NDST4: variants seen among roughly 807,000 people sequenced by gnomAD.
The protein encoded by NDST4 is N-deacetylase and N-sulfotransferase 4.
NDST4 carries 63 observed loss-of-function variants against 100.8 expected under a neutral mutation model. That is an observed-to-expected ratio of 0.62 (90% CI 0.51 to 0.77). NDST4 has a LOEUF of 0.77. Among genes scored for constraint, NDST4 ranks in the 30% least tolerant of loss-of-function variants. NDST4 has a pLI of 0.00. For missense variants in NDST4, 943 were observed against 1,018.4 expected, an observed-to-expected ratio of 0.93 and a Z score of 1.01; for synonymous variants, 377 against 361.8, an observed-to-expected ratio of 1.04 and a Z score of -0.48.
chr4:115,098,898 T>C (rs1329669204), intron 1 of NDST4, among the ~76,000 whole-genome samples: 4 of 152,114 alleles, frequency 2.6e-5, no homozygotes, highest in Admixed American at 2.6e-4. Context: ...GTAGAGACAG[T>C]GGTCTCACTA....
At chr4:114,905,463 G>A (rs1380800289) in intron 6 of NDST4, among the ~76,000 whole-genome samples, 4 of 151,556 alleles carry the variant, frequency 2.6e-5, no homozygotes, top group African/African-American at 9.7e-5. Context: ...TAAAAACAGA[G>A]TTCTGTTTTT....
intron 4 of NDST4, among the ~76,000 whole-genome samples, chr4:114,965,686 G>C (rs149400559): frequency 6.6e-4 from 101 of 152,076 alleles, no homozygotes; most frequent in African/African-American, 2.3e-3. Flanking sequence ...GCAACTATTA[G>C]TGAACTGAAA....
At chr4:114,835,105 A>G (rs1723281894) in intron 11 of NDST4, among the ~76,000 whole-genome samples, 1 of 151,628 alleles carries the variant, frequency 6.6e-6, no homozygotes, top group African/African-American at 2.4e-5. Flanking sequence ...TTTCATGTCT[A>G]TCTCCTTCAG....
intron 1 of NDST4, among the ~76,000 whole-genome samples, chr4:115,080,456 A>G (rs1328232272): frequency 1.3e-5 from 2 of 152,096 alleles, no homozygotes; most frequent in Non-Finnish European, 2.9e-5. Flanking sequence ...TCTTTAATGT[A>G]ATTGTCTGCT....
chr4:115,018,162 G>A (rs2126263557), intron 2 of NDST4, among the ~76,000 whole-genome samples: 1 of 151,860 alleles, frequency 6.6e-6, no homozygotes, highest in African/African-American at 2.4e-5. Flanking sequence ...ATGAAATGAA[G>A]CTACTAATAA....
chr4:114,953,486 T>C (rs552585007), intron 4 of NDST4, among the ~76,000 whole-genome samples: 1 of 152,178 alleles, frequency 6.6e-6, no homozygotes, highest in South Asian at 2.1e-4. Flanking sequence ...TCTAGGAACA[T>C]AGTTTAGGAG....
At chr4:114,909,621 C>G (rs1356889399) in intron 6 of NDST4, among the ~76,000 whole-genome samples, 1 of 142,940 alleles carries the variant, frequency 7.0e-6, no homozygotes, top group Non-Finnish European at 1.5e-5. Flanking sequence ...GATTGCGCCA[C>G]TGCAGTCTGC....
intron 4 of NDST4, among the ~76,000 whole-genome samples, chr4:114,962,317 C>CGATAA (rs146558404): frequency 2.0e-5 from 3 of 150,576 alleles, no homozygotes; most frequent in Non-Finnish European, 1.5e-5. Context: ...GACAATTAGA[C>CGATAA]AATAAAATAA....
At position 115,107,713 on chromosome 4, in the gene NDST4, C is replaced by A. The variant is rs141638693; in HGVS notation, c.-247+5731G>T. 8.2e-3 allele frequency among the ~76,000 whole-genome samples: 1,247 copies of A among 152,112 alleles called. 10 individuals carry two copies. Among genetic ancestry groups the A allele is most frequent in the Admixed American group, 0.011 (174 of 15,260 alleles). On this transcript the variant is annotated intron_variant, in intron 1 of 13. Coordinates refer to ENST00000264363, the MANE Select transcript of NDST4 (RefSeq NM_022569.3). ...CATGAGAATATAAGCCTCCTGAGAGCTATTTTGTTCACCCTAGTAACTTGC... is the reference window on the plus strand; with the variant it reads ...CATGAGAATATAAGCCTCCTGAGAGATATTTTGTTCACCCTAGTAACTTGC...
Position 114,922,938 on chromosome 4 carries a change from T to A in NDST4, c.1536+12268A>T, listed in dbSNP as rs144761485. Among the ~76,000 whole-genome samples the A allele has an allele frequency of 4.0e-3, 607 of 152,298 alleles. 1 individual carries two copies. Among genetic ancestry groups the A allele is most frequent in the Middle Eastern group, 0.014 (4 of 294 alleles). On this transcript the variant is annotated intron_variant, in intron 6 of 13. Transcript: ENST00000264363. The stretch of plus-strand genomic sequence containing the variant: ...TCTATTTGTGTAAACAGCTGTGACA[T>A]CTGACCCAAACCCATGATCAGGCTC...
intron 2 of NDST4, among the ~76,000 whole-genome samples, chr4:115,048,481 T>A (rs756430425): frequency 3.2e-4 from 49 of 152,308 alleles, no homozygotes; most frequent in South Asian, 6.2e-4. Flanking sequence ...TTGGAAAGTT[T>A]GCAGATTATT....
intron 6 of NDST4, among the ~76,000 whole-genome samples, chr4:114,925,498 C>T (rs1157622624): frequency 6.6e-6 from 1 of 152,104 alleles, no homozygotes; most frequent in Non-Finnish European, 1.5e-5. Flanking sequence ...ACTGCACCTG[C>T]TATTAGATTC....
At position 114,827,849 on chromosome 4, in the gene NDST4, C is replaced by T. The variant is rs6843860; in HGVS notation, c.2586G>A (p.Ser862=). 300,171 of 1,609,842 alleles carry T rather than the reference C, an allele frequency of 0.19. 33,956 individuals carry two copies. The highest frequency in any genetic ancestry group is 0.52 in the African/African-American group (38,380 of 74,374). ...CTTTCTGCAGTTCCTGTCTCAGCCA[C>T]GATGGCAGAGGCTGTCCCAGTCTGT... The part of the protein sequence containing the change: ...LLHRLGQPLP[S]WLRQELQKVR Residue 862 remains serine (S), a synonymous_variant, in exon 14 of 14, where the codon TCG becomes TCA. Coordinates refer to ENST00000264363, the MANE Select transcript of NDST4 (RefSeq NM_022569.3).
chr4:115,002,016 TA>T (rs1279864473), intron 2 of NDST4, among the ~76,000 whole-genome samples: 1 of 152,170 alleles, frequency 6.6e-6, no homozygotes, highest in Admixed American at 6.6e-5. Context: ...AATAATAAAT[TA>T]AAAAGTTCTT....
At chr4:115,081,933 A>G (rs965259894) in intron 1 of NDST4, among the ~76,000 whole-genome samples, 1 of 152,184 alleles carries the variant, frequency 6.6e-6, no homozygotes, top group Non-Finnish European at 1.5e-5. Context: ...AGTAAGTTAA[A>G]CAGGCTTTGG....
chr4:114,867,021 G>A (rs1724041413), intron 7 of NDST4, among the ~76,000 whole-genome samples: 2 of 152,062 alleles, frequency 1.3e-5, no homozygotes, highest in South Asian at 2.1e-4. Flanking sequence ...TCACCCTTGA[G>A]GAGGAGTAAG....
chr4:114,913,515 T>G (rs1384408054), intron 6 of NDST4, among the ~76,000 whole-genome samples: 2 of 152,066 alleles, frequency 1.3e-5, no homozygotes, highest in African/African-American at 4.8e-5. Context: ...TGAAAAACAC[T>G]GGCCTAGAGA....
chr4:114,893,252 A>G (rs1429873411), intron 6 of NDST4, among the ~76,000 whole-genome samples: 1 of 152,152 alleles, frequency 6.6e-6, no homozygotes, highest in African/African-American at 2.4e-5. Context: ...TCCTTTGGGT[A>G]TATATCCAGT....
intron 6 of NDST4, among the ~76,000 whole-genome samples, chr4:114,926,196 T>A (rs542736812): frequency 1.3e-5 from 2 of 152,182 alleles, no homozygotes; most frequent in African/African-American, 4.8e-5. Flanking sequence ...GAAGGCATGA[T>A]AAGAATCTAA....
Sources: allele counts gnomAD v4.1 joint callset (sites outside exome capture counted in the v4.1 genomes callset), GRCh38; gene constraint gnomAD v4.1.1; transcripts MANE v1.5; gene names NCBI Gene and HGNC (gene_info 2026-07-23, HGNC 2026-07-21).